The following SND1 variants were observed in gnomAD, a reference collection of about 807,000 sequenced individuals.
The protein encoded by SND1 is staphylococcal nuclease domain-containing protein 1.
A neutral mutation model predicts 121.7 loss-of-function variants in SND1; 38 were observed. The ratio of observed to expected loss-of-function variants is 0.31; its 90% CI spans 0.24 to 0.41. The LOEUF is 0.41. SND1 is among the 10% of genes least tolerant of loss of function. The pLI is 1.00. For missense variants in SND1, 868 were observed against 1,184.6 expected, an observed-to-expected ratio of 0.73 and a Z score of 3.92; for synonymous variants, 401 against 447.4, an observed-to-expected ratio of 0.90 and a Z score of 1.31.
At chr7:127,958,048 T>G (rs1473744105) in intron 15 of SND1, among the ~76,000 whole-genome samples, 2 of 152,212 alleles carry the variant, frequency 1.3e-5, no homozygotes, top group African/African-American at 4.8e-5. Context: ...CACCTATTTC[T>G]TCAGCTCATG....
chr7:127,998,411 T>G (rs191807468), intron 16 of SND1: 2 of 160,674 alleles, frequency 1.2e-5, no homozygotes, highest in African/African-American at 4.8e-5. Flanking sequence ...GATGAGTGTT[T>G]TGAAAAATGT....
chr7:127,713,119 T>C (rs2116368099), intron 9 of SND1, among the ~76,000 whole-genome samples: 1 of 152,376 alleles, frequency 6.6e-6, no homozygotes, highest in South Asian at 2.1e-4. Flanking sequence ...TATTTTAGGC[T>C]TGGTGGCCAT....
intron 15 of SND1, among the ~76,000 whole-genome samples, chr7:127,940,499 G>C (rs927851105): frequency 6.6e-6 from 1 of 152,142 alleles, no homozygotes; most frequent in African/African-American, 2.4e-5. Flanking sequence ...TGAAATTAAA[G>C]GTTAATGCTT....
chr7:127,836,712 C>T (rs1160577787), intron 11 of SND1, among the ~76,000 whole-genome samples: 3 of 152,110 alleles, frequency 2.0e-5, no homozygotes, highest in Admixed American at 2.0e-4. Flanking sequence ...TTATTAACTA[C>T]AAAAACAGTT....
At chr7:127,986,668 T>A (rs1647303762) in intron 15 of SND1, among the ~76,000 whole-genome samples, 1 of 152,204 alleles carries the variant, frequency 6.6e-6, no homozygotes, top group South Asian at 2.1e-4. Flanking sequence ...CTAGAAAAGG[T>A]ATGAAAAATA....
intron 10 of SND1, among the ~76,000 whole-genome samples, chr7:127,764,751 C>T (rs1390417383): frequency 1.3e-5 from 2 of 152,118 alleles, no homozygotes; most frequent in Non-Finnish European, 2.9e-5. Context: ...ATAATGTTTC[C>T]AGGACTGGTT....
chr7:127,786,121 A>T lies in SND1; in HGVS notation c.1153-21363A>T, dbSNP rs188744884. Among the ~76,000 whole-genome samples, 178 of 151,760 alleles carry T rather than the reference A, an allele frequency of 1.2e-3. 1 individual carries two copies. The highest frequency in any genetic ancestry group is 0.011 in the Admixed American group (172 of 15,262). On this transcript the variant is annotated intron_variant, in intron 10 of 23. Transcript: ENST00000354725. Reference sequence around the variant, plus strand: ...TTTTTTTTTTCTTTACCCTTTTCTAATGCCTGCTTCTTCAATTATCCTTAA... The same window carrying T: ...TTTTTTTTTTCTTTACCCTTTTCTATTGCCTGCTTCTTCAATTATCCTTAA...
chr7:128,068,924 C>T (rs536094073), intron 16 of SND1, among the ~76,000 whole-genome samples: 2 of 152,362 alleles, frequency 1.3e-5, no homozygotes, highest in South Asian at 2.1e-4. Flanking sequence ...CAGGAGGACA[C>T]GTCCCACTGT....
At chr7:127,816,676 T>C (rs952607581) in intron 11 of SND1, among the ~76,000 whole-genome samples, 6 of 151,082 alleles carry the variant, frequency 4.0e-5, no homozygotes, top group South Asian at 4.2e-4. Context: ...TTTTTTTTTT[T>C]TTTTTGTAAC....
chr7:128,073,542 G>C (rs1332695610), intron 16 of SND1, among the ~76,000 whole-genome samples: 1 of 152,110 alleles, frequency 6.6e-6, no homozygotes, highest in Non-Finnish European at 1.5e-5. Context: ...CTAACCTTCT[G>C]TCACTAGCTC....
intron 10 of SND1, among the ~76,000 whole-genome samples, chr7:127,751,914 C>T (rs1225969123): frequency 2.0e-5 from 3 of 152,204 alleles, no homozygotes; most frequent in African/African-American, 4.8e-5. Context: ...GCTGACTGCT[C>T]GCGGGAGCAT....
At chr7:128,064,970 G>A (rs1793288739) in intron 16 of SND1, among the ~76,000 whole-genome samples, 1 of 152,234 alleles carries the variant, frequency 6.6e-6, no homozygotes, top group Non-Finnish European at 1.5e-5. Context: ...GTACTGACTG[G>A]TAGCCAGCTG....
At chr7:127,902,724 T>C (rs552582754) in intron 13 of SND1, among the ~76,000 whole-genome samples, 18 of 77,402 alleles carry the variant, frequency 2.3e-4, no homozygotes, top group Admixed American at 1.9e-3. Context: ...TTTCTTTTAC[T>C]TTTTTTTTTT....
intron 16 of SND1, among the ~76,000 whole-genome samples, chr7:128,022,132 G>C (rs1373513807): frequency 6.7e-6 from 1 of 148,346 alleles, no homozygotes; most frequent in Non-Finnish European, 1.5e-5. Flanking sequence ...TTGAACCCGG[G>C]AGGCGGAGGT....
intron 14 of SND1, among the ~76,000 whole-genome samples, chr7:127,919,016 C>T (rs1800644969): frequency 6.6e-6 from 1 of 152,064 alleles, no homozygotes. Flanking sequence ...ACTTTCTCTT[C>T]TGAATTGTAT....
intron 11 of SND1, among the ~76,000 whole-genome samples, chr7:127,811,756 A>G (rs1456742061): frequency 3.9e-5 from 6 of 152,206 alleles, no homozygotes; most frequent in Non-Finnish European, 8.8e-5. Context: ...CAACCCAACT[A>G]CTGTTTATAG....
intron 10 of SND1, among the ~76,000 whole-genome samples, chr7:127,764,653 G>A (rs1420923103): frequency 6.6e-6 from 1 of 152,162 alleles, no homozygotes; most frequent in East Asian, 1.9e-4. Flanking sequence ...TTTCAGAAAT[G>A]CTGTCTTTTT....
chr7:127,763,658 CT>C (rs535534626), intron 10 of SND1, among the ~76,000 whole-genome samples: 17 of 151,614 alleles, frequency 1.1e-4, no homozygotes, highest in African/African-American at 1.7e-4. Flanking sequence ...AGCAGGTGAT[CT>C]TTTTTTTAAG....
intron 15 of SND1, among the ~76,000 whole-genome samples, chr7:127,981,981 G>T (rs1802272497): frequency 6.6e-6 from 1 of 152,126 alleles, no homozygotes; most frequent in Non-Finnish European, 1.5e-5. Context: ...CTCCTCTCTG[G>T]CATTCATGTA....
Sources: gnomAD v4.1 joint callset for allele counts (sites outside exome capture counted in the v4.1 genomes callset) on GRCh38, gnomAD v4.1.1 for gene constraint, MANE v1.5 for transcripts, NCBI Gene and HGNC (gene_info 2026-07-23, HGNC 2026-07-21) for gene names.